The following USP43 variants were observed in gnomAD, a reference collection of about 807,000 sequenced individuals.
The protein encoded by USP43 is ubiquitin carboxyl-terminal hydrolase 43.
In USP43, 33 loss-of-function variants were observed where a neutral mutation model predicts 90.7. That is an observed-to-expected ratio of 0.36 (90% CI 0.28 to 0.49). USP43 has a LOEUF of 0.49. USP43 is among the 20% of genes least tolerant of loss of function. The pLI is 0.98. For synonymous variants in USP43, 598 were observed against 615.8 expected, an observed-to-expected ratio of 0.97 and a Z score of 0.43; for missense variants, 1,274 against 1,476.4, an observed-to-expected ratio of 0.86 and a Z score of 2.25.
chr17:9,696,488 T>C (rs535137733), intron 9 of USP43, among the ~76,000 whole-genome samples: 2 of 152,284 alleles, frequency 1.3e-5, no homozygotes, highest in East Asian at 3.9e-4. Flanking sequence ...GGCCAAAGTC[T>C]CCTAGATCCA....
chr17:9,674,271 C>T lies in USP43; in HGVS notation c.741-620C>T, dbSNP rs951942386. ...AACATTCTTTTCCCTTTTAAAAAAA[C>T]GGAGGTGAAAGTCCTGTAACATAAA... is the stretch of plus-strand genomic sequence containing the variant. On this transcript the variant is annotated intron_variant, in intron 3 of 14. Coordinates refer to ENST00000285199, the MANE Select transcript of USP43 (RefSeq NM_153210.5). The surrounding 1 kb of genome is among the most constrained non-coding windows in gnomAD (Gnocchi z 4.4). Among the ~76,000 whole-genome samples the T allele has an allele frequency of 6.6e-5, 10 of 152,100 alleles. No individual in the cohort carries two copies. The highest frequency in any genetic ancestry group is 2.0e-4 in the Admixed American group (3 of 15,272).
intron 14 of USP43, among the ~76,000 whole-genome samples, chr17:9,723,874 G>A (rs1917110430): frequency 6.6e-6 from 1 of 152,046 alleles, no homozygotes; most frequent in Admixed American, 6.5e-5. Flanking sequence ...CTCCCAAAGT[G>A]CTGGGATTAC....
At chr17:9,654,921 A>G (rs1912127801) in intron 1 of USP43, among the ~76,000 whole-genome samples, 1 of 151,618 alleles carries the variant, frequency 6.6e-6, no homozygotes, top group African/African-American at 2.4e-5. Context: ...TATTTGTAGT[A>G]TAGGCAGGGT....
intron 2 of USP43, among the ~76,000 whole-genome samples, chr17:9,663,821 C>T (rs776658746): frequency 1.3e-5 from 2 of 151,990 alleles, no homozygotes; most frequent in South Asian, 2.1e-4. Flanking sequence ...GACGAGGTTT[C>T]GCCATATTGG....
chr17:9,728,606 C>T lies in USP43; in HGVS notation c.2988C>T (p.Leu996=), dbSNP rs1311323981. ...SELDRPLQGT[L]TLLRSVFRKK... ...TAGACAGACCCCTGCAGGGGACACT[C>T]ACCCTTCTGAGGTCCGTGTTTCGGA... The change falls in exon 15 of 15, where the codon CTC becomes CTT. Residue 996 remains leucine, a synonymous_variant. Coordinates refer to ENST00000285199, the MANE Select transcript of USP43 (RefSeq NM_153210.5). This position sits in a 1 kb window ranked among gnomAD's most constrained non-coding sequence, Gnocchi z 6.2. 1.2e-6 allele frequency: 2 copies of T among 1,613,860 alleles called. No individual in the cohort carries two copies. Among genetic ancestry groups the T allele is most frequent in the South Asian group, 2.2e-5 (2 of 91,054 alleles).
At chr17:9,681,505 T>TATATAA (rs1914287337) in intron 6 of USP43, among the ~76,000 whole-genome samples, 1 of 109,112 alleles carries the variant, frequency 9.2e-6, no homozygotes, top group Non-Finnish European at 1.9e-5. Context: ...TATATATATA[T>TATATAA]ATATTTGAGA....
intron 7 of USP43, among the ~76,000 whole-genome samples, chr17:9,684,409 T>G (rs1056461566): frequency 5.9e-5 from 9 of 152,178 alleles, no homozygotes; most frequent in Non-Finnish European, 1.2e-4. Context: ...TAAATACCCT[T>G]GGTGAAATGA....
intron 14 of USP43, among the ~76,000 whole-genome samples, chr17:9,720,818 G>A (rs898095315): frequency 2.6e-5 from 4 of 152,070 alleles, no homozygotes; most frequent in Non-Finnish European, 4.4e-5. Flanking sequence ...ATTAATAGAG[G>A]TGACTACTGG....
chr17:9,712,301 C>T (rs924652045), intron 14 of USP43, among the ~76,000 whole-genome samples, 169 bp downstream of exon 14: 3 of 152,130 alleles, frequency 2.0e-5, no homozygotes, highest in African/African-American at 2.4e-5. Context: ...CTTCCTTGCC[C>T]GCTTCTCCCC....
chr17:9,724,739 A>G (rs940278872), intron 14 of USP43, among the ~76,000 whole-genome samples: 2 of 152,240 alleles, frequency 1.3e-5, no homozygotes, highest in African/African-American at 4.8e-5. Flanking sequence ...GCTTTTGCCA[A>G]ACCTCATAAA....
intron 6 of USP43, among the ~76,000 whole-genome samples, chr17:9,681,562 T>C (rs1056429184): frequency 7.1e-6 from 1 of 140,092 alleles, no homozygotes; most frequent in East Asian, 2.0e-4. Context: ...GGCGTGATCT[T>C]GGCTCACTGC....
chr17:9,651,002 C>G (rs895350547), intron 1 of USP43, among the ~76,000 whole-genome samples: 2 of 152,118 alleles, frequency 1.3e-5, no homozygotes, highest in African/African-American at 4.8e-5. Flanking sequence ...CCCCTCGAGT[C>G]ACCAAAGTTC....
At chr17:9,693,602 G>A (rs1408925842) in intron 9 of USP43, among the ~76,000 whole-genome samples, 1 of 152,172 alleles carries the variant, frequency 6.6e-6, no homozygotes. Flanking sequence ...TTTGGAGGCT[G>A]AGGTGGGTGG....
At chr17:9,699,339 C>G (rs917502592) in intron 9 of USP43, among the ~76,000 whole-genome samples, 1 of 152,116 alleles carries the variant, frequency 6.6e-6, no homozygotes, top group African/African-American at 2.4e-5. Context: ...CCCAGACACG[C>G]CTTGTTCCTC....
At chr17:9,673,078 G>T (rs193100830) in intron 3 of USP43, among the ~76,000 whole-genome samples, 1 of 152,320 alleles carries the variant, frequency 6.6e-6, no homozygotes, top group East Asian at 1.9e-4. Context: ...GGGCGGTCTT[G>T]TTCTGTGTCC....
intron 2 of USP43, among the ~76,000 whole-genome samples, chr17:9,665,366 A>G (rs1322908056): frequency 6.6e-6 from 1 of 152,212 alleles, no homozygotes; most frequent in Non-Finnish European, 1.5e-5. Context: ...ACAGTTCCAC[A>G]TGACTGGGGA....
At chr17:9,682,145 G>A (rs1344761816) in intron 6 of USP43, among the ~76,000 whole-genome samples, 1 of 152,140 alleles carries the variant, frequency 6.6e-6, no homozygotes, top group Non-Finnish European at 1.5e-5. Context: ...TACTTCTTAT[G>A]TTGGCTTTCT....
Position 9,674,090 on chromosome 17 carries a change from A to G in USP43, c.741-801A>G, listed in dbSNP as rs1385070607. On this transcript the variant is annotated intron_variant, in intron 3 of 14. Coordinates refer to ENST00000285199, the MANE Select transcript of USP43 (RefSeq NM_153210.5). The surrounding 1 kb of genome is among the most constrained non-coding windows in gnomAD (Gnocchi z 4.4). ...GGCCTGGACATTGGAATTTTAAAAA[A>G]GCCTTCCTGTGGTTCTGGGGCACAG... Among the ~76,000 whole-genome samples the G allele has an allele frequency of 5.3e-5, 8 of 152,114 alleles. No individual in the cohort carries two copies. Among genetic ancestry groups the G allele is most frequent in the African/African-American group, 1.9e-4 (8 of 41,420 alleles).
At chr17:9,665,079 A>G (rs1397604935) in intron 2 of USP43, among the ~76,000 whole-genome samples, 2 of 152,296 alleles carry the variant, frequency 1.3e-5, no homozygotes, top group Non-Finnish European at 2.9e-5. Context: ...ATTGTGTCCC[A>G]TGTGTGGTAG....
Sources: allele counts gnomAD v4.1 joint callset (sites outside exome capture counted in the v4.1 genomes callset), GRCh38; gene constraint gnomAD v4.1.1; non-coding constraint Gnocchi (gnomAD v3.1); transcripts MANE v1.5; gene names NCBI Gene and HGNC (gene_info 2026-07-23, HGNC 2026-07-21).